Variants in CENPP observed in about 807,000 individuals in gnomAD.
The protein encoded by CENPP is centromere protein P.
A neutral mutation model predicts 35.6 loss-of-function variants in CENPP; 24 were observed. The observed-to-expected ratio is 0.67, with a 90% CI of 0.49 to 0.95. The LOEUF is 0.95. Ranked by LOEUF, CENPP falls within the 40% of genes least tolerant of loss-of-function variation. The pLI is 0.00. For missense variants in CENPP, 332 were observed against 345.3 expected (o/e 0.96, Z 0.31); for synonymous variants, 120 against 125.5 (o/e 0.96, Z 0.29).
At chr9:92,489,070 T>C (rs560242980) in intron 5 of CENPP, among the ~76,000 whole-genome samples, 102 of 152,372 alleles carry the variant, frequency 6.7e-4, no homozygotes, top group African/African-American at 2.4e-3. Flanking sequence ...TTACTGAGTT[T>C]AGAACATTTA....
intron 5 of CENPP, among the ~76,000 whole-genome samples, chr9:92,525,271 T>C (rs1404894652): frequency 1.3e-5 from 2 of 151,828 alleles, no homozygotes; most frequent in Non-Finnish European, 2.9e-5. Context: ...TGAGCAATGA[T>C]TGCAGCACTG....
chr9:92,484,376 T>G (rs1392558215), intron 5 of CENPP, among the ~76,000 whole-genome samples: 1 of 152,232 alleles, frequency 6.6e-6, no homozygotes, highest in Non-Finnish European at 1.5e-5. Flanking sequence ...CATTCTCTTT[T>G]GCATCTGGCT....
intron 5 of CENPP, among the ~76,000 whole-genome samples, chr9:92,547,266 A>G (rs1248441965): frequency 6.6e-6 from 1 of 152,236 alleles, no homozygotes; most frequent in East Asian, 1.9e-4. Context: ...CTGACAGATT[A>G]TCTACAAGAA....
rs1188238371 is a variant in CENPP at position 92,617,228 on chromosome 9, A to G, written c.*4079A>G. On this transcript the variant is annotated 3_prime_UTR_variant, in exon 8 of 8. Coordinates refer to ENST00000375587, the MANE Select transcript of CENPP (RefSeq NM_001012267.3). ...TGGGAGAACCTCAGAAGCCCAAGGT[A>G]CTGCTCAGTTCTGAGGCCTGAGACC... The G allele has an allele frequency of 6.6e-6, 1 of 152,244 alleles. No individual in the cohort carries two copies. The highest frequency in any genetic ancestry group is 1.5e-5 in the Non-Finnish European group (1 of 68,082). The allele number at this position is 152,244 out of a possible 1,614,324, so 9.4% of individuals were successfully genotyped here.
At chr9:92,539,342 C>T (rs531729231) in intron 5 of CENPP, among the ~76,000 whole-genome samples, 1 of 136,564 alleles carries the variant, frequency 7.3e-6, no homozygotes, top group South Asian at 2.5e-4. Flanking sequence ...CGCCTTCCCC[C>T]GCTCCCCCAC....
chr9:92,496,461 A>C, intron 5 of CENPP: 1 of 1,608,834 alleles, frequency 6.2e-7, no homozygotes, highest in South Asian at 1.1e-5. Context: ...TCAGCATTGC[A>C]AATTTCTTCT....
chr9:92,525,893 CAAAA>C (rs71362395), intron 5 of CENPP, among the ~76,000 whole-genome samples: 1 of 43,906 alleles, frequency 2.3e-5, no homozygotes, highest in Non-Finnish European at 4.8e-5. Context: ...ACTCTATCTC[CAAAA>C]AAAAAAAAAA....
In CENPP at chr9:92,394,822, C is replaced by T. The variant is rs148794554; in HGVS notation, c.564+14963C>T. On this transcript the variant is annotated intron_variant, in intron 5 of 7. Transcript: ENST00000375587. ...GGGTTTCACCATGTTGGCCAGGCTG[C>T]TTTCGAACTCCTGACCTCAGGTGAT... 9.3e-3 allele frequency among the ~76,000 whole-genome samples: 1,405 copies of T among 151,428 alleles called. 11 individuals are homozygous for T. Among genetic ancestry groups the T allele is most frequent in the Middle Eastern group, 0.024 (7 of 294 alleles).
At position 92,619,403 on chromosome 9, in the gene CENPP, A is replaced by G; in HGVS notation, c.*6254A>G. On this transcript the variant is annotated 3_prime_UTR_variant, in exon 8 of 8. Transcript: ENST00000375587. ...CCATGGAGTCTCTAAATATGGGGAA[A>G]CCAACTATCCTATTAACAATTCACC... The G allele has an allele frequency of 1.7e-6, 2 of 1,149,474 alleles. No homozygotes were observed. Among genetic ancestry groups the G allele is most frequent in the Admixed American group, 2.0e-5 (1 of 50,234 alleles). The allele number at this position is 1,149,474 out of a possible 1,614,324, so 71.2% of individuals were successfully genotyped here.
At chr9:92,573,838 G>A (rs764351741) in intron 5 of CENPP, among the ~76,000 whole-genome samples, 11 of 152,340 alleles carry the variant, frequency 7.2e-5, no homozygotes, top group Non-Finnish European at 1.3e-4. Flanking sequence ...CCTTGCAGTT[G>A]GATCTCAGAC....
At chr9:92,468,556 C>G (rs539544899) in intron 5 of CENPP, among the ~76,000 whole-genome samples, 1 of 152,152 alleles carries the variant, frequency 6.6e-6, no homozygotes, top group African/African-American at 2.4e-5. Context: ...AACCCAAGTG[C>G]CAAACAAGCA....
chr9:92,492,821 T>C (rs1846210632), intron 5 of CENPP, among the ~76,000 whole-genome samples: 2 of 152,174 alleles, frequency 1.3e-5, no homozygotes, highest in Non-Finnish European at 2.9e-5. Flanking sequence ...ATATTCCCTG[T>C]TGTTCTCATG....
At chr9:92,472,974 G>A (rs1227027558) in intron 5 of CENPP, among the ~76,000 whole-genome samples, 24 of 152,220 alleles carry the variant, frequency 1.6e-4, no homozygotes, top group Admixed American at 1.5e-3. Context: ...GGGAGGAAGA[G>A]TGATAAGTGC....
At chr9:92,361,431 G>A (rs1439697005) in intron 4 of CENPP, among the ~76,000 whole-genome samples, 4 of 145,796 alleles carry the variant, frequency 2.7e-5, no homozygotes, top group Non-Finnish European at 6.1e-5. Context: ...ATGAGCCACC[G>A]TACCTGGCCT....
chr9:92,417,391 A>T (rs1843647436), intron 5 of CENPP: 1 of 1,614,098 alleles, frequency 6.2e-7, no homozygotes, highest in Non-Finnish European at 8.5e-7. Flanking sequence ...AAGTATACTG[A>T]TGAAAAGGAA....
At chr9:92,519,425 AGATAT>A (rs1847926777) in intron 5 of CENPP, among the ~76,000 whole-genome samples, 1 of 152,254 alleles carries the variant, frequency 6.6e-6, no homozygotes, top group Non-Finnish European at 1.5e-5. Flanking sequence ...CTCACTATAA[AGATAT>A]GATAATCAGC....
chr9:92,545,642 C>T (rs993314240), intron 5 of CENPP, among the ~76,000 whole-genome samples: 5 of 152,334 alleles, frequency 3.3e-5, no homozygotes, highest in East Asian at 1.9e-4. Context: ...GCACAGGGCG[C>T]GGGACTGGCA....
At chr9:92,567,081 G>T (rs1005135672) in intron 5 of CENPP, among the ~76,000 whole-genome samples, 1 of 152,092 alleles carries the variant, frequency 6.6e-6, no homozygotes, top group Non-Finnish European at 1.5e-5. Context: ...GAGAAATTAA[G>T]ACATTCTCAG....
chr9:92,563,698 A>G (rs569765390), intron 5 of CENPP, among the ~76,000 whole-genome samples: 4 of 151,194 alleles, frequency 2.6e-5, no homozygotes, highest in Non-Finnish European at 4.4e-5. Flanking sequence ...AGTGAGAGAA[A>G]CTCCCTCTCT....
Sources: gnomAD v4.1 joint callset for allele counts (sites outside exome capture counted in the v4.1 genomes callset) on GRCh38, gnomAD v4.1.1 for gene constraint, MANE v1.5 for transcripts, NCBI Gene and HGNC (gene_info 2026-07-23, HGNC 2026-07-21) for gene names.